The following TBC1D19 variants were observed in gnomAD, a reference collection of about 807,000 sequenced individuals.
TBC1D19 encodes the protein TBC1 domain family member 19.
TBC1D19 carries 60 observed loss-of-function variants against 89.0 expected under a neutral mutation model. That is an observed-to-expected ratio of 0.67 (90% confidence interval 0.55 to 0.84). The LOEUF (loss-of-function observed/expected upper bound fraction) is 0.84. Ranked by LOEUF, TBC1D19 falls within the 40% of genes least tolerant of loss-of-function variation. TBC1D19 has a pLI of 0.00. For synonymous variants in TBC1D19, 189 were observed against 199.7 expected (o/e 0.95, Z 0.45); for missense variants, 500 against 610.8 (o/e 0.82, Z 1.91).
At chr4:26,733,979 T>C (rs1405589239) in intron 15 of TBC1D19, among the ~76,000 whole-genome samples, 2 of 152,076 alleles carry the variant, frequency 1.3e-5, no homozygotes, top group South Asian at 2.1e-4. Context: ...TCAGGAAAAT[T>C]TGAAGAAATT....
intron 7 of TBC1D19, among the ~76,000 whole-genome samples, chr4:26,650,932 A>G (rs1394606682): frequency 6.6e-6 from 1 of 152,174 alleles, no homozygotes; most frequent in Admixed American, 6.5e-5. Context: ...CTCTCTACAT[A>G]TGGTTAGCCA....
At chr4:26,826,435 A>G in the TBC1D19 span, among the ~76,000 whole-genome samples, 10 of 152,002 alleles carry the variant, frequency 6.6e-5, no homozygotes, top group East Asian at 1.9e-3. Flanking sequence ...GTCTGCTCAT[A>G]GTAGGTGAAC....
At chr4:26,810,248 C>T in the TBC1D19 span, among the ~76,000 whole-genome samples, 1 of 152,188 alleles carries the variant, frequency 6.6e-6, no homozygotes, top group Non-Finnish European at 1.5e-5. Context: ...ACCCATTTCC[C>T]CTCACTCCCC....
At chr4:26,831,479 A>G in the TBC1D19 span, among the ~76,000 whole-genome samples, 1 of 152,186 alleles carries the variant, frequency 6.6e-6, no homozygotes, top group South Asian at 2.1e-4. Context: ...TGGGCTTTCA[A>G]TAAAACCTCA....
chr4:26,590,796 G>GTTTTTTTTGTTTTTTTTTTTTTTTTT (rs1739723865), intron 1 of TBC1D19, among the ~76,000 whole-genome samples: 1 of 52,958 alleles, frequency 1.9e-5, no homozygotes, highest in Non-Finnish European at 3.1e-5. Flanking sequence ...TTGCAGGTCT[G>GTTTTTTTTGTTTTTTTTTTTTTTTTT]TTTTTTTTTT....
At chr4:26,674,717 G>A (rs988505589) in intron 11 of TBC1D19, among the ~76,000 whole-genome samples, 16 of 151,706 alleles carry the variant, frequency 1.1e-4, no homozygotes, top group African/African-American at 3.1e-4. Context: ...TCACATAATC[G>A]TCAGAATTAA....
At chr4:26,840,936 G>A in the TBC1D19 span, among the ~76,000 whole-genome samples, 2 of 152,074 alleles carry the variant, frequency 1.3e-5, no homozygotes, top group Non-Finnish European at 2.9e-5. Flanking sequence ...CCCAGGTCCT[G>A]CCACTCTCCT....
intron 11 of TBC1D19, among the ~76,000 whole-genome samples, chr4:26,678,528 CTTTT>C (rs918472765): frequency 7.1e-6 from 1 of 140,446 alleles, no homozygotes. Context: ...AGCGAAACTG[CTTTT>C]TTTTTTTTCA....
intron 9 of TBC1D19, among the ~76,000 whole-genome samples, chr4:26,668,922 A>G (rs1712042125): frequency 6.6e-6 from 1 of 151,812 alleles, no homozygotes; most frequent in Non-Finnish European, 1.5e-5. Context: ...ACAATAATAA[A>G]AAAAGTCATA....
chr4:26,711,252 G>A (rs1274675190), intron 13 of TBC1D19, among the ~76,000 whole-genome samples: 15 of 152,062 alleles, frequency 9.9e-5, no homozygotes, highest in Non-Finnish European at 1.8e-4. Context: ...TGGCTAGCCA[G>A]TTTTCCCAGC....
At chr4:26,742,672 C>A in intron 18 of TBC1D19, 73 bp downstream of exon 18, 1 of 1,086,552 alleles carries the variant, frequency 9.2e-7, no homozygotes, top group Non-Finnish European at 1.3e-6. Flanking sequence ...TTGCAGAGCA[C>A]TTGCAAATAC....
At chr4:26,817,989 T>C in the TBC1D19 span, among the ~76,000 whole-genome samples, 2 of 141,266 alleles carry the variant, frequency 1.4e-5, no homozygotes, top group African/African-American at 2.6e-5. Flanking sequence ...AAAATATATA[T>C]ATATATATAT....
intron 7 of TBC1D19, among the ~76,000 whole-genome samples, chr4:26,647,501 CT>C (rs1744057910): frequency 6.6e-6 from 1 of 152,188 alleles, no homozygotes; most frequent in Non-Finnish European, 1.5e-5. Flanking sequence ...CTACTTCTAC[CT>C]TTTCCCACCT....
intron 12 of TBC1D19, among the ~76,000 whole-genome samples, chr4:26,686,085 A>T (rs2109149988): frequency 6.6e-6 from 1 of 152,240 alleles, no homozygotes; most frequent in African/African-American, 2.4e-5. Context: ...TCTGCCAATC[A>T]CTCCAAACAT....
chr4:26,801,803 G>A, the TBC1D19 span, among the ~76,000 whole-genome samples: 3 of 152,064 alleles, frequency 2.0e-5, no homozygotes, highest in Non-Finnish European at 4.4e-5. Context: ...TGTGACCAAC[G>A]CATATGTGAA....
intron 1 of TBC1D19, among the ~76,000 whole-genome samples, chr4:26,611,106 A>G (rs1006164195): frequency 6.6e-6 from 1 of 152,024 alleles, no homozygotes; most frequent in Non-Finnish European, 1.5e-5. Flanking sequence ...CCTCCCTGGC[A>G]TGTTATTTTT....
At chr4:26,636,147 A>C (rs1458663827) in intron 4 of TBC1D19, among the ~76,000 whole-genome samples, 1 of 152,064 alleles carries the variant, frequency 6.6e-6, no homozygotes, top group Non-Finnish European at 1.5e-5. Flanking sequence ...TATGAGTAAT[A>C]TACCATTCTC....
intron 13 of TBC1D19, among the ~76,000 whole-genome samples, chr4:26,695,332 A>C (rs1714674708): frequency 6.6e-6 from 1 of 152,236 alleles, no homozygotes; most frequent in South Asian, 2.1e-4. Flanking sequence ...AAATGTCAAC[A>C]AAGCCTCCAA....
Position 26,688,233 on chromosome 4 carries a change from A to G in TBC1D19, c.892-112A>G, listed in dbSNP as rs1182116520. 3.8e-6 allele frequency: 5 copies of G among 1,328,352 alleles called. No homozygotes were observed. The African/African-American group carries it at 7.7e-5, about 21-fold the overall frequency. The allele number at this position is 1,328,352 out of a possible 1,614,324, so 82.3% of individuals were successfully genotyped here. On this transcript the variant is annotated intron_variant, in intron 12 of 20. Transcript: ENST00000264866. ...ATAAAATTTAATTGAGAAGTTTATAATCATAAAGTAATAAATTTATTGCAG... is the reference window on the plus strand; with the variant it reads ...ATAAAATTTAATTGAGAAGTTTATAGTCATAAAGTAATAAATTTATTGCAG...
Sources: allele counts gnomAD v4.1 joint callset (sites outside exome capture counted in the v4.1 genomes callset), GRCh38; gene constraint gnomAD v4.1.1; transcripts MANE v1.5; gene names NCBI Gene and HGNC (gene_info 2026-07-23, HGNC 2026-07-21).